Variants in ERCC5 observed in about 807,000 individuals in gnomAD.
The protein encoded by ERCC5 is DNA excision repair protein ERCC-5.
A neutral mutation model predicts 105.6 loss-of-function variants in ERCC5; 68 were observed. The ratio of observed to expected loss-of-function variants is 0.64; its 90% CI spans 0.53 to 0.79. ERCC5 has a LOEUF of 0.79. Among genes scored for constraint, ERCC5 ranks in the 30% least tolerant of loss-of-function variants. The probability of loss-of-function intolerance (pLI) is 0.00; values close to 1 mark genes in which losing one functional copy is unlikely to be tolerated. For missense variants in ERCC5, 1,373 were observed against 1,426.7 expected (o/e 0.96, Z 0.61); for synonymous variants, 546 against 526.2 (o/e 1.04, Z -0.51).
At chr13:102,852,392 T>G in intron 2 of ERCC5, 99 bp downstream of exon 2, 1 of 1,383,924 alleles carries the variant, frequency 7.2e-7, no homozygotes, top group Non-Finnish European at 1.0e-6. Context: ...TTTAGAATTT[T>G]AGAAACAGAC....
rs1006220665 is a variant in ERCC5 at position 102,875,589 on chromosome 13, A to G, written c.3247A>G (p.Thr1083Ala). ...KRLSDSKGKN[T>A]CGGFLGETCL... ...GCTTTCAGATTCTAAAGGAAAGAAT[A>G]CATGCGGTGGATTTTTGGGGGAGAC... Residue 1083 changes from threonine (T) to alanine (A), a missense_variant, in exon 15 of 15, where the codon ACA becomes GCA. Thr to Ala is a moderately conservative substitution (Grantham distance 58). Transcript: ENST00000652225. The G allele has an allele frequency of 6.2e-7, 1 of 1,613,628 alleles. No individual in the cohort carries two copies. The highest frequency in any genetic ancestry group is 8.5e-7 in the Non-Finnish European group (1 of 1,179,768).
intron 4 of ERCC5, among the ~76,000 whole-genome samples, 156 bp from the exon 5 acceptor site, chr13:102,855,896 C>T (rs894462493): frequency 1.3e-5 from 2 of 152,194 alleles, no homozygotes; most frequent in South Asian, 2.1e-4. Context: ...CTTACTTACA[C>T]GTGTCCCCCA....
intron 12 of ERCC5, among the ~76,000 whole-genome samples, chr13:102,870,001 T>G (rs1169361644): frequency 2.0e-5 from 3 of 152,238 alleles, no homozygotes; most frequent in African/African-American, 7.2e-5. Context: ...GGAGCAGCCT[T>G]CGCTCTGCCT....
Position 102,873,533 on chromosome 13 carries a change from C to A in ERCC5, c.2964+190C>A, listed in dbSNP as rs188587674. Among the ~76,000 whole-genome samples the A allele has an allele frequency of 6.6e-3, 1,000 of 152,242 alleles. 2 individuals carry two copies. The highest frequency in any genetic ancestry group is 0.01 in the Non-Finnish European group (709 of 68,014). ...TTTGGCTTCATTTTCTATGATCACT[C>A]TTAGGGCTGAACTTTGGAGTCCTTT... On this transcript the variant is annotated intron_variant, in intron 14 of 14. Coordinates refer to ENST00000652225, the MANE Select transcript of ERCC5 (RefSeq NM_000123.4).
intron 12 of ERCC5, 26 bp downstream of exon 12, chr13:102,868,283 G>A (rs1566471599): frequency 6.2e-7 from 1 of 1,613,844 alleles, no homozygotes; most frequent in Non-Finnish European, 8.5e-7. Context: ...TCTTTAATTT[G>A]GATAATTGTG....
rs1228377865 is a variant in ERCC5 at position 102,859,567 on chromosome 13, G to A, written c.672+1149G>A. Among the ~76,000 whole-genome samples the A allele has an allele frequency of 4.6e-5, 7 of 152,344 alleles. No individual in the cohort carries two copies. The East Asian group carries it at 1.2e-3, about 25-fold the overall frequency. ...CAGTTGAGGAAGTAGAATTTTGGTT[G>A]TGTAAACAATAACAGGAAGAAATGG... On this transcript the variant is annotated intron_variant, in intron 6 of 14. Transcript: ENST00000652225.
intron 9 of ERCC5, 151 bp downstream of exon 9, chr13:102,866,062 C>A: frequency 1.3e-6 from 2 of 1,496,812 alleles, no homozygotes; most frequent in Non-Finnish European, 9.2e-7. Context: ...AGGTTACTGG[C>A]TGGGATAGAC....
At chr13:102,869,086 G>A (rs1241676702) in intron 12 of ERCC5, among the ~76,000 whole-genome samples, 1 of 152,144 alleles carries the variant, frequency 6.6e-6, no homozygotes, top group South Asian at 2.1e-4. Flanking sequence ...ATCCTTGAGT[G>A]TTCTCTCCAG....
chr13:102,864,496 T>C (rs941136616), intron 8 of ERCC5, among the ~76,000 whole-genome samples: 1 of 152,234 alleles, frequency 6.6e-6, no homozygotes, highest in Admixed American at 6.5e-5. Context: ...TGAGTTATAA[T>C]CCAATACTGT....
chr13:102,860,712 G>T (rs1882587461), intron 6 of ERCC5, among the ~76,000 whole-genome samples: 1 of 152,186 alleles, frequency 6.6e-6, no homozygotes, highest in Non-Finnish European at 1.5e-5. Flanking sequence ...TAGGATGATT[G>T]TGAGAATAAA....
chr13:102,872,348 C>A lies in ERCC5; in HGVS notation c.2829C>A (p.Asp943Glu). The stretch of plus-strand genomic sequence containing the variant: ...CCTACCTCAAACCCGTGGTGGATGA[C>A]TCGAAGGGATCCTTTCTGTGGGGGA... ...AEAYLKPVVD[D>E]SKGSFLWGKP... Residue 943 changes from aspartate to glutamate, a missense_variant, in exon 13 of 15, where the codon GAC (aspartate) becomes GAA (glutamate). Around this residue, in one of 3 missense-constraint regions of ERCC5, gnomAD observed 367 missense variants for 350.2 expected, o/e 1.05. Transcript: ENST00000652225. The A allele has an allele frequency of 6.2e-7, 1 of 1,614,182 alleles. No homozygotes were observed. The highest frequency in any genetic ancestry group is 8.5e-7 in the Non-Finnish European group (1 of 1,180,042).
Position 102,866,613 on chromosome 13 carries a change from T to C in ERCC5, c.2320-19T>C. The C allele has an allele frequency of 1.2e-6, 2 of 1,612,362 alleles. No individual in the cohort carries two copies. Among genetic ancestry groups the C allele is most frequent in the Non-Finnish European group, 1.7e-6 (2 of 1,179,810 alleles). On this transcript the variant is annotated intron_variant, in intron 10 of 14. Transcript: ENST00000652225. Reference sequence around the variant, plus strand: ...CGGTGCCCTTCCCTGGGCGTCACTGTGTACCCCTCACTCTGCAGGAACTCC... The same window carrying C: ...CGGTGCCCTTCCCTGGGCGTCACTGCGTACCCCTCACTCTGCAGGAACTCC...
intron 1 of ERCC5, among the ~76,000 whole-genome samples, chr13:102,849,832 A>G (rs1001455939): frequency 3.9e-5 from 6 of 152,210 alleles, no homozygotes; most frequent in African/African-American, 1.2e-4. Context: ...ATGCTGCCAC[A>G]TAATAAAAAC....
chr13:102,873,211 C>G (rs201706733), intron 13 of ERCC5, 48 bp from the exon 14 acceptor site: 8 of 1,610,822 alleles, frequency 5.0e-6, no homozygotes, highest in Non-Finnish European at 4.2e-6. Flanking sequence ...TTATTTGTCA[C>G]TTGTTTAAAT....
At chr13:102,858,474 T>G in intron 6 of ERCC5, 56 bp downstream of exon 6, 1 of 1,612,836 alleles carries the variant, frequency 6.2e-7, no homozygotes, top group Non-Finnish European at 8.5e-7. Flanking sequence ...GCAAAACTTT[T>G]TATTAGAAAG....
At position 102,866,774 on chromosome 13, in the gene ERCC5, T is replaced by C. The variant is rs767822027; in HGVS notation, c.2462T>C (p.Val821Ala). 1 of 1,614,252 alleles carries C rather than the reference T, an allele frequency of 6.2e-7. No individual in the cohort carries two copies. Among genetic ancestry groups the C allele is most frequent in the South Asian group, 1.1e-5 (1 of 91,088 alleles). ...ATCTGGCTGTTTGGAGCGCGGCATG[T>C]CTATAGAAACTTTTTTAATAAAAAC... ...SDIWLFGARH[V>A]YRNFFNKNKF... The change falls in exon 11 of 15, where the codon GTC (valine) becomes GCC (alanine). Residue 821 changes from valine to alanine, a missense_variant. Coordinates refer to ENST00000652225, the MANE Select transcript of ERCC5 (RefSeq NM_000123.4).
At chr13:102,857,658 C>A (rs1876740576) in intron 5 of ERCC5, among the ~76,000 whole-genome samples, 1 of 152,064 alleles carries the variant, frequency 6.6e-6, no homozygotes, top group Non-Finnish European at 1.5e-5. Context: ...ATGTTATAAG[C>A]AAAATAAAAC....
intron 4 of ERCC5, among the ~76,000 whole-genome samples, chr13:102,854,859 T>C (rs529109890): frequency 6.6e-6 from 1 of 152,324 alleles, no homozygotes; most frequent in Admixed American, 6.5e-5. Flanking sequence ...CGCTTTCTGC[T>C]CAGCCTCTCT....
At chr13:102,859,001 A>G in intron 6 of ERCC5, 1 of 445,460 alleles carries the variant, frequency 2.2e-6, no homozygotes, top group Non-Finnish European at 4.5e-6. Flanking sequence ...GGGCTTCTTC[A>G]CCTTGGAACA....
Sources: allele counts gnomAD v4.1 joint callset (sites outside exome capture counted in the v4.1 genomes callset), GRCh38; gene constraint gnomAD v4.1.1; regional missense constraint gnomAD v4.1.1; transcripts MANE v1.5; gene names NCBI Gene and HGNC (gene_info 2026-07-23, HGNC 2026-07-21).